The following H3-3A variants were observed in gnomAD, a reference collection of about 807,000 sequenced individuals.
H3-3A encodes histone H3.3.
For missense variants in H3-3A, 7 were observed against 184.0 expected (o/e 0.04, Z 5.57); for synonymous variants, 49 against 61.4 (o/e 0.80, Z 0.95).
intron 2 of H3-3A, 129 bp downstream of exon 2, chr1:226,064,608 C>A: frequency 1.6e-6 from 1 of 635,198 alleles, no homozygotes; most frequent in Non-Finnish European, 2.8e-6. Flanking sequence ...GAACACTTAA[C>A]TACTGCTTAA....
upstream of H3-3A, chr1:226,062,222 G>A (rs1052717675): frequency 6.0e-5 from 9 of 151,146 alleles, no homozygotes; most frequent in East Asian, 1.9e-4. Context: ...GTCTCCTCGG[G>A]GGCGCGCGCC....
intron 3 of H3-3A, among the ~76,000 whole-genome samples, chr1:226,067,794 A>G (rs1398246664): frequency 6.6e-6 from 1 of 152,098 alleles, no homozygotes; most frequent in Admixed American, 6.6e-5. Context: ...GAATAGGATA[A>G]TAGAAGATCG....
chr1:226,063,532 C>T (rs1361961007), intron 1 of H3-3A, among the ~76,000 whole-genome samples: 1 of 152,096 alleles, frequency 6.6e-6, no homozygotes, highest in Non-Finnish European at 1.5e-5. Flanking sequence ...GCGATTGTTT[C>T]CATTTTGTTC....
intron 3 of H3-3A, among the ~76,000 whole-genome samples, chr1:226,068,461 C>G (rs1657995369): frequency 6.6e-6 from 1 of 152,100 alleles, no homozygotes; most frequent in Admixed American, 6.6e-5. Flanking sequence ...TTCTGTAATC[C>G]CGAGGTGCCA....
chr1:226,069,870 T>C (rs1199639576), intron 3 of H3-3A, among the ~76,000 whole-genome samples: 2 of 152,146 alleles, frequency 1.3e-5, no homozygotes, highest in Non-Finnish European at 2.9e-5. Flanking sequence ...ATGTTTTGGC[T>C]TAGACTAAAA....
At chr1:226,069,826 A>C (rs898780691) in intron 3 of H3-3A, among the ~76,000 whole-genome samples, 1 of 152,078 alleles carries the variant, frequency 6.6e-6, no homozygotes, top group African/African-American at 2.4e-5. Flanking sequence ...GCAAGACTCA[A>C]ACCTCAAAAA....
intron 3 of H3-3A, 46 bp downstream of exon 3, chr1:226,065,855 T>C (rs1191427956): frequency 7.0e-7 from 1 of 1,420,254 alleles, no homozygotes; most frequent in East Asian, 2.4e-5. Flanking sequence ...TCCTGTTGTG[T>C]ACCAAGAACA....
At chr1:226,064,619 A>G (rs1196761138) in intron 2 of H3-3A, 140 bp downstream of exon 2, 11 of 620,426 alleles carry the variant, frequency 1.8e-5, no homozygotes, top group Non-Finnish European at 2.9e-5. Context: ...TACTGCTTAA[A>G]TAAATGTACT....
chr1:226,070,377 C>T (rs1034759759), intron 3 of H3-3A, among the ~76,000 whole-genome samples: 1 of 152,060 alleles, frequency 6.6e-6, no homozygotes, highest in Non-Finnish European at 1.5e-5. Context: ...GAGGCTGAGG[C>T]AGGAGAATGA....
intron 3 of H3-3A, among the ~76,000 whole-genome samples, chr1:226,068,239 C>G (rs1218712562): frequency 6.6e-6 from 1 of 152,164 alleles, no homozygotes; most frequent in Non-Finnish European, 1.5e-5. Context: ...GTCAGATCCT[C>G]TCGTAGGAGT....
At chr1:226,064,116 T>C in intron 1 of H3-3A, 2 of 397,296 alleles carry the variant, frequency 5.0e-6, no homozygotes, top group East Asian at 4.7e-5. Context: ...TGAGAGGTGA[T>C]TGATACTGCT....
rs1342792870 is a variant in H3-3A, at chr1:226,068,604, C to T, written c.283-2747C>T. Among the ~76,000 whole-genome samples, 16 of 152,258 alleles carry T rather than the reference C, an allele frequency of 1.1e-4. No individual in the cohort carries two copies. The East Asian group carries it at 2.9e-3, about 28-fold the overall frequency. ...TCTAGAATATCTTAAGAACGAATCT[C>T]GGAATATTAAGGACTTTTGCTTTTA... On this transcript the variant is annotated intron_variant, in intron 3 of 3. Transcript: ENST00000366815.
At chr1:226,066,755 G>A (rs1657938273) in intron 3 of H3-3A, 1 of 152,572 alleles carries the variant, frequency 6.6e-6, no homozygotes, top group African/African-American at 2.4e-5. Flanking sequence ...TCTGGGGGTG[G>A]GGAGGGGGCA....
At chr1:226,069,206 C>T (rs1224896269) in intron 3 of H3-3A, among the ~76,000 whole-genome samples, 2 of 152,058 alleles carry the variant, frequency 1.3e-5, no homozygotes, top group African/African-American at 4.8e-5. Flanking sequence ...GCCACCACGC[C>T]CAGCTACTTT....
At position 226,071,983 on chromosome 1, in the gene H3-3A, T is replaced by A; in HGVS notation, c.*504T>A. 1 of 217,176 alleles carries A rather than the reference T, an allele frequency of 4.6e-6. No homozygotes were observed. The highest frequency in any genetic ancestry group is 9.3e-6 in the Non-Finnish European group (1 of 107,776). The allele number at this position is 217,176 out of a possible 1,614,324, so 13.5% of individuals were successfully genotyped here. A position where few individuals can be genotyped will look rare whatever the true frequency, so the allele number is the denominator to read the frequency against. ...CTGTGCTGTTCCTGTAAGTTTGCTA[T>A]TAAAATACATTAAACTATACCTGCT... On this transcript the variant is annotated 3_prime_UTR_variant, in exon 4 of 4. Transcript: ENST00000366815.
intron 2 of H3-3A, 40 bp downstream of exon 2, chr1:226,064,519 T>C (rs1328238708): frequency 3.2e-6 from 5 of 1,555,740 alleles, no homozygotes; most frequent in South Asian, 2.3e-5. Flanking sequence ...AAGTCTCTCT[T>C]GTATGTATCC....
intron 3 of H3-3A, among the ~76,000 whole-genome samples, chr1:226,070,201 G>A (rs554738417): frequency 1.3e-5 from 2 of 152,178 alleles, no homozygotes; most frequent in African/African-American, 4.8e-5. Flanking sequence ...GAACTGCCAG[G>A]CCAGTTGCGG....
chr1:226,062,585 A>T (rs944261071), upstream of H3-3A: 1 of 95,770 alleles, frequency 1.0e-5, no homozygotes, highest in Admixed American at 1.0e-4. Context: ...GCGCGGGGGG[A>T]AGGGCGGGGG....
rs199699563 is a variant in H3-3A at position 226,064,346 on chromosome 1, T to G, written c.-6T>G. 4 of 1,611,930 alleles carry G rather than the reference T, an allele frequency of 2.5e-6. No homozygotes were observed. The highest frequency in any genetic ancestry group is 3.4e-6 in the Non-Finnish European group (4 of 1,178,836). On this transcript the variant is annotated 5_prime_UTR_variant, in exon 2 of 4. Coordinates refer to ENST00000366815, the MANE Select transcript of H3-3A (RefSeq NM_002107.7). ...GCTGGTAGGTAAGTAAGGAGGTCTCTGTACCATGGCTCGTACAAAGCAGAC... is the reference window on the plus strand; with the variant it reads ...GCTGGTAGGTAAGTAAGGAGGTCTCGGTACCATGGCTCGTACAAAGCAGAC...
Sources: gnomAD v4.1 joint callset for allele counts (sites outside exome capture counted in the v4.1 genomes callset) on GRCh38, gnomAD v4.1.1 for gene constraint, MANE v1.5 for transcripts, NCBI Gene and HGNC (gene_info 2026-07-23, HGNC 2026-07-21) for gene names.